ADAMTS18: variants seen among roughly 807,000 people sequenced by gnomAD.
ADAMTS18 encodes A disintegrin and metalloproteinase with thrombospondin motifs 18.
In ADAMTS18, 157 loss-of-function variants were observed where a neutral mutation model predicts 165.9. That is an observed-to-expected ratio of 0.95 (90% CI 0.83 to 1.08). The LOEUF (loss-of-function observed/expected upper bound fraction) is 1.08, where lower values mean the gene tolerates loss of function less well. Among genes scored for constraint, ADAMTS18 ranks in the 50% least tolerant of loss-of-function variants. ADAMTS18 has a pLI of 0.00. For synonymous variants in ADAMTS18, 782 were observed against 578.2 expected, an observed-to-expected ratio of 1.35 and a Z score of -5.06; for missense variants, 2,040 against 1,534.0, an observed-to-expected ratio of 1.33 and a Z score of -5.51.
intron 18 of ADAMTS18, among the ~76,000 whole-genome samples, 178 bp from the exon 19 acceptor site, chr16:77,295,305 TATAA>T (rs1241649617): frequency 6.6e-6 from 1 of 152,226 alleles, no homozygotes; most frequent in South Asian, 2.1e-4. Context: ...GTGATTGAGA[TATAA>T]ATAATCACAT....
chr16:77,393,581 C>T (rs531284692), intron 3 of ADAMTS18, among the ~76,000 whole-genome samples: 8 of 152,124 alleles, frequency 5.3e-5, no homozygotes, highest in South Asian at 2.1e-4. Context: ...TAAAAGAGGT[C>T]CCAGAGAGCT....
rs375957905 is a variant in ADAMTS18, at chr16:77,359,422, C to T, written c.1218G>A (p.Gly406=). ...AGCACATTCCACTGATGGGGGCAAA[C>T]CCTATTGAAAGAGCAGTTTCAAATG... ...SWKNEPCDTL[G]FAPISGMCSK... Residue 406 remains glycine (G), a splice_region_variant and synonymous_variant, in exon 8 of 23, where the codon GGG becomes GGA. Transcript: ENST00000282849. 6 of 1,613,030 alleles carry T rather than the reference C, an allele frequency of 3.7e-6. No individual in the cohort carries two copies. In the South Asian group the frequency reaches 6.6e-5, roughly 18 times the overall value.
chr16:77,411,280 T>C (rs771033128), intron 3 of ADAMTS18, among the ~76,000 whole-genome samples: 5 of 152,150 alleles, frequency 3.3e-5, no homozygotes, highest in Admixed American at 6.5e-5. Context: ...CTCTGTCAAT[T>C]CATCAGCAAG....
chr16:77,291,076 T>A, intron 21 of ADAMTS18, 190 bp downstream of exon 21: 1 of 621,984 alleles, frequency 1.6e-6, no homozygotes, highest in Non-Finnish European at 2.8e-6. Flanking sequence ...TTTCTAGATG[T>A]GAAAACTGAG....
chr16:77,364,083 T>C, intron 5 of ADAMTS18, 105 bp downstream of exon 5: 2 of 1,473,548 alleles, frequency 1.4e-6, no homozygotes. Flanking sequence ...AAACTGCAAT[T>C]ACATTTGCAC....
In ADAMTS18 at chr16:77,321,059, C is replaced by T; in HGVS notation, c.2287+20G>A. The T allele has an allele frequency of 1.2e-6, 2 of 1,614,156 alleles. No homozygotes were observed. Among genetic ancestry groups the T allele is most frequent in the Non-Finnish European group, 8.5e-7 (1 of 1,179,988 alleles). ...AAAAGTTGTATCTCATTAACAATAA[C>T]AAACAGCAGCATCTCTCACCATTTG... On this transcript the variant is annotated intron_variant, in intron 15 of 22. Transcript: ENST00000282849.
At chr16:77,328,493 G>A (rs894322803) in intron 12 of ADAMTS18, among the ~76,000 whole-genome samples, 11 of 152,094 alleles carry the variant, frequency 7.2e-5, no homozygotes, top group African/African-American at 2.2e-4. Flanking sequence ...CAACAGAAAC[G>A]GGAAATGTCA....
At chr16:77,316,623 C>A (rs1344820554) in intron 16 of ADAMTS18, among the ~76,000 whole-genome samples, 1 of 152,138 alleles carries the variant, frequency 6.6e-6, no homozygotes, top group African/African-American at 2.4e-5. Flanking sequence ...TAGCTAGATT[C>A]TCCTATTTTT....
At chr16:77,414,876 A>C (rs994004058) in intron 3 of ADAMTS18, among the ~76,000 whole-genome samples, 1 of 152,252 alleles carries the variant, frequency 6.6e-6, no homozygotes, top group African/African-American at 2.4e-5. Flanking sequence ...ATGGTTATAG[A>C]GTGTGAAGTC....
At chr16:77,326,579 C>T (rs112884988) in intron 12 of ADAMTS18, among the ~76,000 whole-genome samples, 7,329 of 152,136 alleles carry the variant, frequency 0.048, 271 homozygotes, top group African/African-American at 0.095. Flanking sequence ...GATGTGGTTT[C>T]GCCATGTTGC....
chr16:77,417,883 T>G (rs1269855649), intron 3 of ADAMTS18, among the ~76,000 whole-genome samples: 1 of 152,224 alleles, frequency 6.6e-6, no homozygotes, highest in Non-Finnish European at 1.5e-5. Flanking sequence ...TATTTCATTT[T>G]CAGAACAGCT....
chr16:77,327,758 A>C (rs368185701), intron 12 of ADAMTS18, among the ~76,000 whole-genome samples: 1 of 152,140 alleles, frequency 6.6e-6, no homozygotes, highest in South Asian at 2.1e-4. Context: ...TTGGCATCAG[A>C]AGCTGTTCAA....
chr16:77,312,095 A>G (rs897827950), intron 16 of ADAMTS18, among the ~76,000 whole-genome samples: 7 of 152,094 alleles, frequency 4.6e-5, no homozygotes, highest in African/African-American at 1.7e-4. Context: ...ATTTGTCCTT[A>G]CATCTTATTT....
At chr16:77,287,546 C>T (rs1172294666) in intron 22 of ADAMTS18, among the ~76,000 whole-genome samples, 8 of 152,190 alleles carry the variant, frequency 5.3e-5, no homozygotes, top group South Asian at 2.1e-4. Flanking sequence ...GGTGCAATCT[C>T]GGGTCACTGC....
rs764773239 is a variant in ADAMTS18 at position 77,325,849 on chromosome 16, CAT to C, written c.2032+15_2032+16del. The C allele has an allele frequency of 3.1e-6, 5 of 1,608,036 alleles. No homozygotes were observed. The highest frequency in any genetic ancestry group is 2.2e-5 in the East Asian group (1 of 44,820). On this transcript the variant is annotated intron_variant, in intron 13 of 22. Transcript: ENST00000282849. ...TCCACATAGAGACTTATTTGAATGTCATAGAGACCAAATTACCTTCCACTTTT... is the reference window on the plus strand; with the variant it reads ...TCCACATAGAGACTTATTTGAATGTCAGAGACCAAATTACCTTCCACTTTT...
Position 77,339,581 on chromosome 16 carries a change from G to A in ADAMTS18, c.1710+2123C>T, listed in dbSNP as rs771136042. Among the ~76,000 whole-genome samples the A allele has an allele frequency of 2.5e-4, 36 of 144,302 alleles. 1 individual carries two copies. The highest frequency in any genetic ancestry group is 2.0e-3 in the South Asian group (9 of 4,508). 94.7% of individuals were successfully genotyped at this position (144,302 alleles called of 152,430 possible). A position where few individuals can be genotyped will look rare whatever the true frequency, so the allele number is the denominator to read the frequency against. ...TTCCTGTGTATCCCTTATAGGTAAC[G>A]ATGTTGCTTTTTCAATTAAAAAAAA... On this transcript the variant is annotated intron_variant, in intron 11 of 22. Coordinates refer to ENST00000282849, the MANE Select transcript of ADAMTS18 (RefSeq NM_199355.4).
chr16:77,414,383 T>A (rs999595084), intron 3 of ADAMTS18, among the ~76,000 whole-genome samples: 6 of 152,222 alleles, frequency 3.9e-5, no homozygotes, highest in African/African-American at 1.2e-4. Context: ...AAGTATAAAA[T>A]GCACACTGGA....
At chr16:77,363,100 C>G (rs2056739867) in intron 6 of ADAMTS18, among the ~76,000 whole-genome samples, 1 of 152,126 alleles carries the variant, frequency 6.6e-6, no homozygotes, top group Non-Finnish European at 1.5e-5. Flanking sequence ...CCTCGGGGGA[C>G]TTAAAAAATA....
intron 16 of ADAMTS18, among the ~76,000 whole-genome samples, chr16:77,305,928 G>A (rs940509449): frequency 6.6e-6 from 1 of 152,092 alleles, no homozygotes; most frequent in African/African-American, 2.4e-5. Context: ...GAACATTTTC[G>A]GTGACCATGT....
Sources: allele counts gnomAD v4.1 joint callset (sites outside exome capture counted in the v4.1 genomes callset), GRCh38; gene constraint gnomAD v4.1.1; transcripts MANE v1.5; gene names NCBI Gene and HGNC (gene_info 2026-07-23, HGNC 2026-07-21).